The following DLAT variants were observed in gnomAD, a reference collection of about 807,000 sequenced individuals.
The protein encoded by DLAT is dihydrolipoyllysine-residue acetyltransferase component of pyruvate dehydrogenase complex, mitochondrial.
DLAT carries 43 observed loss-of-function variants against 68.0 expected under a neutral mutation model. That is an observed-to-expected ratio of 0.63 (90% confidence interval 0.50 to 0.81). DLAT has a LOEUF of 0.81. Among genes scored for constraint, DLAT ranks in the 40% least tolerant of loss-of-function variants. The pLI is 0.00. For synonymous variants in DLAT, 265 were observed against 288.6 expected (o/e 0.92, Z 0.83); for missense variants, 745 against 815.4 (o/e 0.91, Z 1.05).
chr11:112,054,276 C>T (rs587668545), intron 11 of DLAT, among the ~76,000 whole-genome samples: 25 of 152,074 alleles, frequency 1.6e-4, no homozygotes, highest in African/African-American at 4.8e-4. Flanking sequence ...GGATTGCACG[C>T]GCCACTGCAC....
At chr11:112,026,706 G>A (rs1190000906) in intron 2 of DLAT, among the ~76,000 whole-genome samples, 1 of 152,224 alleles carries the variant, frequency 6.6e-6, no homozygotes, top group East Asian at 1.9e-4. Context: ...AGTCTCCCAT[G>A]TCTACCTCTT....
At chr11:112,062,296 G>A (rs1864681896) in intron 13 of DLAT, 110 bp from the exon 14 acceptor site, 1 of 1,141,414 alleles carries the variant, frequency 8.8e-7, no homozygotes, top group Admixed American at 1.8e-5. Flanking sequence ...GAGTAGATAG[G>A]AAGTATTACC....
chr11:112,047,208 A>G (rs1863366371), intron 10 of DLAT, among the ~76,000 whole-genome samples: 1 of 152,160 alleles, frequency 6.6e-6, no homozygotes, highest in Admixed American at 6.5e-5. Flanking sequence ...GCATTTCTTT[A>G]ATGACCAGTG....
At chr11:112,036,195 GTGTGTGTTTTTTTTTTTT>G (rs1862745208) in intron 5 of DLAT, among the ~76,000 whole-genome samples, 169 of 66,824 alleles carry the variant, frequency 2.5e-3, no homozygotes, top group Middle Eastern at 6.7e-3. Flanking sequence ...GTGTGTGTGT[GTGTGTGTTTTTTTTTTTT>G]TTTTTTTTTT....
At chr11:112,062,294 A>T in intron 13 of DLAT, 112 bp from the exon 14 acceptor site, 1 of 1,112,678 alleles carries the variant, frequency 9.0e-7, no homozygotes, top group Non-Finnish European at 1.3e-6. Flanking sequence ...AAGAGTAGAT[A>T]GGAAGTATTA....
rs782150775 is a variant in DLAT, at chr11:112,043,493, A to G, written c.1157A>G (p.Lys386Arg). 6.2e-7 allele frequency: 1 copy of G among 1,614,184 alleles called. No homozygotes were observed. The highest frequency in any genetic ancestry group is 8.5e-7 in the Non-Finnish European group (1 of 1,180,014). The change falls in exon 8 of 14, where the codon AAG becomes AGG. Residue 386 changes from lysine (K) to arginine (R), a missense_variant. By Grantham distance (26) the Lys-to-Arg change is conservative. Coordinates refer to ENST00000280346, the MANE Select transcript of DLAT (RefSeq NM_001931.5). ...ACAGGACCAGATGGTAGAATCACCA[A>G]GAAGGATATCGACTCTTTTGTGCCT... ...KGTGPDGRITKKDIDSFVPSK... is the reference protein window; with the variant it reads ...KGTGPDGRITRKDIDSFVPSK...
chr11:112,061,997 A>G (rs1447646631), intron 13 of DLAT, among the ~76,000 whole-genome samples: 2 of 152,240 alleles, frequency 1.3e-5, no homozygotes, highest in Non-Finnish European at 2.9e-5. Flanking sequence ...AAATGCAGTT[A>G]GTCCTATTTG....
In DLAT at chr11:112,064,147, A is replaced by T; in HGVS notation, c.*1612A>T. On this transcript the variant is annotated 3_prime_UTR_variant, in exon 14 of 14. Coordinates refer to ENST00000280346, the MANE Select transcript of DLAT (RefSeq NM_001931.5). Reference sequence around the variant, plus strand: ...ATCACAAGGGACCATCATCAATATGATCCAAATCTGGTTCAAACATTCAAA... The same window carrying T: ...ATCACAAGGGACCATCATCAATATGTTCCAAATCTGGTTCAAACATTCAAA... 1 of 1,547,368 alleles carries T rather than the reference A, an allele frequency of 6.5e-7. No individual in the cohort carries two copies. Among genetic ancestry groups the T allele is most frequent in the Non-Finnish European group, 8.7e-7 (1 of 1,143,522 alleles).
intron 11 of DLAT, among the ~76,000 whole-genome samples, chr11:112,057,334 C>A (rs1864159771): frequency 6.6e-6 from 1 of 152,210 alleles, no homozygotes; most frequent in Non-Finnish European, 1.5e-5. Context: ...TTTCACGTCT[C>A]TTACTTTAAA....
At chr11:112,052,040 T>C (rs998637463) in intron 11 of DLAT, among the ~76,000 whole-genome samples, 1 of 152,242 alleles carries the variant, frequency 6.6e-6, no homozygotes, top group Non-Finnish European at 1.5e-5. Context: ...CCTGAGTTAA[T>C]AAATTAGTGT....
At chr11:112,044,367 G>GT (rs1388276760) in intron 8 of DLAT, among the ~76,000 whole-genome samples, 39 of 152,122 alleles carry the variant, frequency 2.6e-4, no homozygotes, top group African/African-American at 8.9e-4. Flanking sequence ...GCTAATTTTC[G>GT]TATGTTTAGT....
chr11:112,035,511 CAG>C (rs1862663398), intron 5 of DLAT, among the ~76,000 whole-genome samples: 1 of 146,208 alleles, frequency 6.8e-6, no homozygotes, highest in Non-Finnish European at 1.5e-5. Flanking sequence ...TTTTTGGAAA[CAG>C]AGTCTGGCTC....
At chr11:112,033,015 GATTGCGCC>G (rs1403641887) in intron 4 of DLAT, among the ~76,000 whole-genome samples, 1 of 152,150 alleles carries the variant, frequency 6.6e-6, no homozygotes, top group Admixed American at 6.5e-5. Flanking sequence ...AGTGAGCCGA[GATTGCGCC>G]ATTGCTCTCC....
At chr11:112,033,615 G>A (rs1192642896) in intron 5 of DLAT, 85 bp downstream of exon 5, 4 of 1,472,910 alleles carry the variant, frequency 2.7e-6, no homozygotes, top group East Asian at 2.3e-5. Context: ...TAATGAGTGA[G>A]TGATAATATG....
At chr11:112,033,654 T>C in intron 5 of DLAT, 124 bp downstream of exon 5, 7 of 1,079,216 alleles carry the variant, frequency 6.5e-6, no homozygotes, top group Non-Finnish European at 9.5e-6. Context: ...GGATTCATTT[T>C]CTGGGACAGA....
intron 6 of DLAT, 53 bp from the exon 7 acceptor site, chr11:112,039,191 A>G: frequency 6.3e-7 from 1 of 1,576,074 alleles, no homozygotes; most frequent in Non-Finnish European, 8.7e-7. Flanking sequence ...TTAATCTTTC[A>G]GACCAGTCTT....
chr11:112,029,520 A>T (rs1862279856), intron 4 of DLAT, among the ~76,000 whole-genome samples: 1 of 152,098 alleles, frequency 6.6e-6, no homozygotes, highest in Non-Finnish European at 1.5e-5. Context: ...CAGGCTCTTT[A>T]TAGCAATCAG....
intron 5 of DLAT, 107 bp downstream of exon 5, chr11:112,033,637 A>C (rs1253698568): frequency 8.0e-7 from 1 of 1,243,354 alleles, no homozygotes; most frequent in African/African-American, 1.5e-5. Flanking sequence ...AAACTTTATA[A>C]TTCTTAGGAT....
Position 112,045,142 on chromosome 11 carries a change from C to T in DLAT, c.1202C>T (p.Pro401Leu), listed in dbSNP as rs781794850. ...SFVPSKVAPA[P>L]AAVVPPTGPG... is the part of the protein sequence containing the mutation. ...GCTTTTTCTTTCCTCCCATAGGCTC[C>T]GGCAGCTGTTGTGCCTCCCACAGGT... is the stretch of plus-strand genomic sequence containing the variant. The change falls in exon 9 of 14, where the codon CCG (proline) becomes CTG (leucine). Residue 401 changes from proline to leucine, a missense_variant. Pro to Leu is a moderately conservative substitution (Grantham distance 98, BLOSUM62 -3). Transcript: ENST00000280346. 39 of 1,613,738 alleles carry T rather than the reference C, an allele frequency of 2.4e-5. No homozygotes were observed. The highest frequency in any genetic ancestry group is 9.9e-5 in the South Asian group (9 of 91,080).
Sources: allele counts gnomAD v4.1 joint callset (sites outside exome capture counted in the v4.1 genomes callset), GRCh38; gene constraint gnomAD v4.1.1; transcripts MANE v1.5; gene names NCBI Gene and HGNC (gene_info 2026-07-23, HGNC 2026-07-21).